The following EPGN variants were observed in gnomAD, a reference collection of about 807,000 sequenced individuals.
The protein encoded by EPGN is epithelial mitogen.
A neutral mutation model predicts 20.7 loss-of-function variants in EPGN; 21 were observed. That is an observed-to-expected ratio of 1.01 (90% confidence interval 0.72 to 1.46). EPGN has a LOEUF of 1.46. Ranked by LOEUF, EPGN falls within the 40% of genes most tolerant of loss-of-function variation. The pLI, the probability that EPGN is intolerant of heterozygous loss-of-function variation, is 0.00. For missense variants in EPGN, 199 were observed against 180.7 expected (o/e 1.10, Z -0.58); for synonymous variants, 69 against 63.8 (o/e 1.08, Z -0.39).
At chr4:74,310,622 A>G (rs949617902) in intron 2 of EPGN, among the ~76,000 whole-genome samples, 13 of 152,264 alleles carry the variant, frequency 8.5e-5, no homozygotes, top group Middle Eastern at 6.8e-3. Context: ...GTTACAAGTA[A>G]TAATAATGGT....
Position 74,314,581 on chromosome 4 carries a change from T to C in EPGN, c.409T>C (p.Cys137Arg). Residue 137 changes from cysteine to arginine, a missense_variant and splice_region_variant, in exon 5 of 5, where the codon TGT becomes CGT. Transcript: ENST00000413830. ...VIFYCYIRKR[C>R]LKLKSPYNVC... ...ATGGAAACCAATGCTCTGTTTCAGG[T>C]GTCTAAAATTGAAATCGCCTTACAA... is the stretch of plus-strand genomic sequence containing the variant. The C allele has an allele frequency of 6.5e-7, 1 of 1,535,928 alleles. No homozygotes were observed. The highest frequency in any genetic ancestry group is 8.7e-7 in the Non-Finnish European group (1 of 1,146,776).
chr4:74,313,571 A>G, intron 4 of EPGN: 1 of 1,039,346 alleles, frequency 9.6e-7, no homozygotes, highest in Non-Finnish European at 1.2e-6. Flanking sequence ...AAATAAAATC[A>G]AGAAACAAGT....
At chr4:74,314,258 A>G in intron 4 of EPGN, 2 of 502,894 alleles carry the variant, frequency 4.0e-6, no homozygotes, top group Non-Finnish European at 7.6e-6. Context: ...AGCAGTGTAG[A>G]CCTCTCCCAA....
intron 2 of EPGN, 53 bp from the exon 3 acceptor site, chr4:74,312,132 A>G: frequency 6.5e-7 from 1 of 1,542,074 alleles, no homozygotes; most frequent in South Asian, 1.3e-5. Flanking sequence ...TTAAAAATTT[A>G]CCATAAAAGT....
In EPGN at chr4:74,314,734, A is replaced by G; in HGVS notation, c.*97A>G. The G allele has an allele frequency of 9.3e-7, 1 of 1,078,516 alleles. No homozygotes were observed. The highest frequency in any genetic ancestry group is 1.3e-6 in the Non-Finnish European group (1 of 748,602). The allele number at this position is 1,078,516 out of a possible 1,614,324, so 66.8% of individuals were successfully genotyped here. ...AACAACAAAACTTGTCAAGCTGACT[A>G]GACTCGAAAATAATGAAAGTTGGGA... On this transcript the variant is annotated 3_prime_UTR_variant, in exon 5 of 5. Coordinates refer to ENST00000413830, the MANE Select transcript of EPGN (RefSeq NM_001270989.2).
intron 3 of EPGN, 107 bp downstream of exon 3, chr4:74,312,412 G>T: frequency 7.6e-7 from 1 of 1,315,920 alleles, no homozygotes; most frequent in Non-Finnish European, 1.0e-6. Context: ...TTAAAAGGGT[G>T]CATAATCTGA....
rs754255189 is a variant in EPGN at position 74,309,087 on chromosome 4, ATAC to A, written c.44-5_44-3del. 4.3e-6 allele frequency: 7 copies of A among 1,611,182 alleles called. No homozygotes were observed. The Admixed American group carries it at 1.2e-4, about 27-fold the overall frequency. On this transcript the variant is annotated splice_region_variant and splice_polypyrimidine_tract_variant and intron_variant, in intron 1 of 4. Coordinates refer to ENST00000413830, the MANE Select transcript of EPGN (RefSeq NM_001270989.2). ...TGTTAAAGATGCTTTTGCCCCCTTA[ATAC>A]AGCAATGACAGCACTGACCGAAGAG...
intron 3 of EPGN, 61 bp from the exon 4 acceptor site, chr4:74,312,957 A>G: frequency 7.8e-7 from 1 of 1,285,286 alleles, no homozygotes; most frequent in Non-Finnish European, 1.1e-6. Context: ...TTATTGAAAC[A>G]GGTTATTTGT....
At chr4:74,313,641 G>C in intron 4 of EPGN, 8 of 990,476 alleles carry the variant, frequency 8.1e-6, no homozygotes, top group Non-Finnish European at 9.6e-6. Context: ...GTCAACTGGG[G>C]GTATCTTCAG....
chr4:74,314,010 T>C, intron 4 of EPGN: 1 of 403,298 alleles, frequency 2.5e-6, no homozygotes, highest in Non-Finnish European at 4.9e-6. Flanking sequence ...GAGGAGGAGG[T>C]AAGACTTTTC....
chr4:74,310,558 A>C (rs559051817), intron 2 of EPGN, among the ~76,000 whole-genome samples: 202 of 151,876 alleles, frequency 1.3e-3, no homozygotes, highest in Non-Finnish European at 2.2e-3. Context: ...TAGCATGCTC[A>C]GTACTAAATT....
intron 4 of EPGN, 132 bp downstream of exon 4, chr4:74,313,302 A>C: frequency 7.1e-7 from 1 of 1,413,660 alleles, no homozygotes; most frequent in East Asian, 2.7e-5. Flanking sequence ...TCTGGCAAAA[A>C]GTTTCTATGT....
Position 74,314,580 on chromosome 4 carries a change from G to T in EPGN, c.408G>T (p.Arg136Ser). 6.5e-7 allele frequency: 1 copy of T among 1,535,992 alleles called. No homozygotes were observed. The highest frequency in any genetic ancestry group is 1.2e-5 in the South Asian group (1 of 84,054). The change falls in exon 5 of 5, where the codon AGG becomes AGT. Residue 136 changes from arginine to serine, a missense_variant and splice_region_variant. By Grantham distance (110) the Arg-to-Ser change is moderately radical. Transcript: ENST00000413830. ...TATGGAAACCAATGCTCTGTTTCAGGTGTCTAAAATTGAAATCGCCTTACA... is the reference window on the plus strand; with the variant it reads ...TATGGAAACCAATGCTCTGTTTCAGTTGTCTAAAATTGAAATCGCCTTACA... Reference protein sequence around the residue: ...LVIFYCYIRKRCLKLKSPYNV... With the variant: ...LVIFYCYIRKSCLKLKSPYNV...
intron 2 of EPGN, among the ~76,000 whole-genome samples, chr4:74,310,301 A>G (rs1013390513): frequency 6.6e-6 from 1 of 151,840 alleles, no homozygotes; most frequent in African/African-American, 2.4e-5. Context: ...GTCTCTACTA[A>G]AAATACAAAA....
chr4:74,311,762 C>T (rs1384522143), intron 2 of EPGN, among the ~76,000 whole-genome samples: 10 of 152,268 alleles, frequency 6.6e-5, no homozygotes, highest in Non-Finnish European at 1.0e-4. Flanking sequence ...TTCAAATCTT[C>T]GCAAGTGCTG....
At chr4:74,308,989 A>G in intron 1 of EPGN, 104 bp from the exon 2 acceptor site, 2 of 865,564 alleles carry the variant, frequency 2.3e-6, no homozygotes, top group South Asian at 3.6e-5. Flanking sequence ...GTAATAAATT[A>G]AAAAAATAGA....
chr4:74,312,803 T>C (rs1404633688), intron 3 of EPGN, among the ~76,000 whole-genome samples: 1 of 152,190 alleles, frequency 6.6e-6, no homozygotes, highest in Non-Finnish European at 1.5e-5. Flanking sequence ...ATACTACCTT[T>C]TCCCTCTACT....
rs960662620 is a variant in EPGN, at chr4:74,316,099, T to A, written c.*1462T>A. On this transcript the variant is annotated 3_prime_UTR_variant, in exon 5 of 5. Coordinates refer to ENST00000413830, the MANE Select transcript of EPGN (RefSeq NM_001270989.2). ...TTAGCTCTAAAACTTGACAGTGGAA[T>A]AAGGAAATGTTTTTCCAAATCTGCA... is the stretch of plus-strand genomic sequence containing the variant. Among the ~76,000 whole-genome samples, 6 of 152,190 alleles carry A rather than the reference T, an allele frequency of 3.9e-5. No homozygotes were observed. The highest frequency in any genetic ancestry group is 1.4e-4 in the African/African-American group (6 of 41,550).
At chr4:74,313,871 A>C (rs955498407) in intron 4 of EPGN, among the ~76,000 whole-genome samples, 2 of 152,238 alleles carry the variant, frequency 1.3e-5, no homozygotes, top group African/African-American at 4.8e-5. Context: ...CTAAATGACC[A>C]AAACTGCCTG....
Sources: gnomAD v4.1 joint callset for allele counts (sites outside exome capture counted in the v4.1 genomes callset) on GRCh38, gnomAD v4.1.1 for gene constraint, MANE v1.5 for transcripts, NCBI Gene and HGNC (gene_info 2026-07-23, HGNC 2026-07-21) for gene names.